The following SLC24A2 variants were observed in gnomAD, a reference collection of about 807,000 sequenced individuals.
The protein encoded by SLC24A2 is solute carrier family 24 member 2.
Under a neutral mutation model 62.0 loss-of-function variants are expected in SLC24A2, and 36 were observed. That is an observed-to-expected ratio of 0.58 (90% CI 0.44 to 0.77). The LOEUF (loss-of-function observed/expected upper bound fraction) is 0.77, where lower values mean the gene tolerates loss of function less well. SLC24A2 is among the 30% of genes least tolerant of loss of function. SLC24A2 has a pLI of 0.00. For synonymous variants in SLC24A2, 358 were observed against 294.0 expected (o/e 1.22, Z -2.23); for missense variants, 846 against 817.9 (o/e 1.03, Z -0.42).
chr9:19,778,922 G>C (rs148889776), intron 2 of SLC24A2, among the ~76,000 whole-genome samples: 1 of 152,124 alleles, frequency 6.6e-6, no homozygotes, highest in African/African-American at 2.4e-5. Context: ...GGCATTAAAA[G>C]TATGATGAAA....
At chr9:20,006,680 G>C in the SLC24A2 span, among the ~76,000 whole-genome samples, 1 of 152,002 alleles carries the variant, frequency 6.6e-6, no homozygotes, top group Non-Finnish European at 1.5e-5. Context: ...CAAGGCCTAG[G>C]GAATTCTCTG....
chr9:20,084,789 C>T, the SLC24A2 span, among the ~76,000 whole-genome samples: 1 of 152,042 alleles, frequency 6.6e-6, no homozygotes, highest in Non-Finnish European at 1.5e-5. Context: ...GGGGCTTTAA[C>T]AATGAAAGTA....
At chr9:19,602,290 T>C (rs910812089) in intron 4 of SLC24A2, among the ~76,000 whole-genome samples, 7 of 152,228 alleles carry the variant, frequency 4.6e-5, no homozygotes, top group Admixed American at 3.3e-4. Flanking sequence ...GAACCCATCA[T>C]TCTATGATTG....
the SLC24A2 span, among the ~76,000 whole-genome samples, chr9:20,188,722 G>A: frequency 7.9e-5 from 12 of 152,154 alleles, no homozygotes; most frequent in South Asian, 2.1e-4. Flanking sequence ...AAGAAGCCAC[G>A]AGCTAAGGAA....
chr9:19,727,184 T>C (rs1274182808), intron 2 of SLC24A2, among the ~76,000 whole-genome samples: 2 of 152,232 alleles, frequency 1.3e-5, no homozygotes, highest in East Asian at 3.8e-4. Context: ...TGGCATTTAA[T>C]GCTATGGCCT....
chr9:20,031,191 T>C, the SLC24A2 span, among the ~76,000 whole-genome samples: 1 of 150,940 alleles, frequency 6.6e-6, no homozygotes, highest in Non-Finnish European at 1.5e-5. Context: ...TATGTGTAGG[T>C]GAAGAGAATT....
chr9:19,964,453 G>T, the SLC24A2 span, among the ~76,000 whole-genome samples: 2 of 152,186 alleles, frequency 1.3e-5, no homozygotes, highest in Admixed American at 6.5e-5. Flanking sequence ...AATGCTAGGT[G>T]CATGCTAAGT....
the SLC24A2 span, among the ~76,000 whole-genome samples, chr9:19,854,771 T>C: frequency 6.6e-6 from 1 of 152,162 alleles, no homozygotes; most frequent in Admixed American, 6.5e-5. Flanking sequence ...ATTCTGTCAT[T>C]TTTGGGTGGA....
the SLC24A2 span, among the ~76,000 whole-genome samples, chr9:20,016,314 C>T: frequency 6.6e-6 from 1 of 152,082 alleles, no homozygotes; most frequent in Non-Finnish European, 1.5e-5. Flanking sequence ...TTGATTTATA[C>T]ATACAATACC....
the SLC24A2 span, among the ~76,000 whole-genome samples, chr9:20,083,777 C>T: frequency 3.3e-5 from 5 of 152,212 alleles, no homozygotes; most frequent in Non-Finnish European, 5.9e-5. Context: ...GCCTCTCTGC[C>T]TACATTAGAG....
the SLC24A2 span, among the ~76,000 whole-genome samples, chr9:20,072,197 A>T: frequency 2.0e-5 from 3 of 152,146 alleles, no homozygotes; most frequent in Non-Finnish European, 2.9e-5. Flanking sequence ...ATGTGATTGG[A>T]CAAGAAGTGT....
chr9:20,105,238 C>T, the SLC24A2 span, among the ~76,000 whole-genome samples: 2 of 152,134 alleles, frequency 1.3e-5, no homozygotes, highest in Non-Finnish European at 2.9e-5. Flanking sequence ...GACTCCCACA[C>T]AATAATAATG....
chr9:20,235,392 C>G, the SLC24A2 span, among the ~76,000 whole-genome samples: 8,702 of 152,342 alleles, frequency 0.057, 332 homozygotes, highest in Middle Eastern at 0.12. Context: ...AACTTCCCGC[C>G]GCTTTGTTTC....
At chr9:20,055,448 C>T in the SLC24A2 span, among the ~76,000 whole-genome samples, 2 of 152,096 alleles carry the variant, frequency 1.3e-5, no homozygotes, top group Non-Finnish European at 2.9e-5. Context: ...ATTTTCATGA[C>T]AACTGTTTAG....
intron 2 of SLC24A2, among the ~76,000 whole-genome samples, chr9:19,699,047 G>A (rs142042526): frequency 1.3e-5 from 2 of 152,228 alleles, no homozygotes; most frequent in African/African-American, 4.8e-5. Context: ...CAGGAATGGG[G>A]ACTACAAAGA....
At chr9:19,586,607 G>T (rs987794984) in intron 5 of SLC24A2, among the ~76,000 whole-genome samples, 24 of 151,734 alleles carry the variant, frequency 1.6e-4, no homozygotes, top group African/African-American at 5.6e-4. Context: ...TTTATAAAAA[G>T]ATAATCTAAT....
chr9:20,226,836 G>T, the SLC24A2 span, among the ~76,000 whole-genome samples: 19 of 152,132 alleles, frequency 1.2e-4, no homozygotes, highest in African/African-American at 4.6e-4. Flanking sequence ...AACCCCTACG[G>T]GGAAACCTGA....
chr9:19,571,685 T>C (rs1835842121), intron 7 of SLC24A2, among the ~76,000 whole-genome samples: 1 of 152,210 alleles, frequency 6.6e-6, no homozygotes, highest in South Asian at 2.1e-4. Context: ...ACATTAAAGT[T>C]TGAGAAACAC....
chr9:19,977,307 A>G, the SLC24A2 span, among the ~76,000 whole-genome samples: 1 of 152,220 alleles, frequency 6.6e-6, no homozygotes. Context: ...ATGCACAGAC[A>G]TTTCAATGAA....
Sources: gnomAD v4.1 joint callset for allele counts (sites outside exome capture counted in the v4.1 genomes callset) on GRCh38, gnomAD v4.1.1 for gene constraint, MANE v1.5 for transcripts, NCBI Gene and HGNC (gene_info 2026-07-23, HGNC 2026-07-21) for gene names.